Variants in MGAT5 observed in about 807,000 individuals in gnomAD.
MGAT5 encodes alpha-1,6-mannosylglycoprotein 6-beta-N-acetylglucosaminyltransferase A.
In MGAT5, 30 loss-of-function variants were observed where a neutral mutation model predicts 94.3. That is an observed-to-expected ratio of 0.32 (90% CI 0.24 to 0.43). The LOEUF is 0.43. Among genes scored for constraint, MGAT5 ranks in the 20% least tolerant of loss-of-function variants. MGAT5 has a pLI of 1.00. For missense variants in MGAT5, 691 were observed against 905.5 expected, an observed-to-expected ratio of 0.76 and a Z score of 3.04; for synonymous variants, 310 against 322.9, an observed-to-expected ratio of 0.96 and a Z score of 0.43.
At chr2:134,193,651 C>G (rs1969335) in intron 1 of MGAT5, among the ~76,000 whole-genome samples, 22,736 of 150,388 alleles carry the variant, frequency 0.15, 1,941 homozygotes, top group Admixed American at 0.21. Flanking sequence ...GGGCAATCTC[C>G]CCTCTCTTAC....
intron 2 of MGAT5, among the ~76,000 whole-genome samples, chr2:134,301,453 T>G (rs1175496109): frequency 6.6e-6 from 1 of 152,172 alleles, no homozygotes; most frequent in Admixed American, 6.5e-5. Context: ...CTTTCATTCT[T>G]AATATTACTC....
chr2:134,241,736 A>G (rs1681982006), intron 1 of MGAT5, among the ~76,000 whole-genome samples: 1 of 152,162 alleles, frequency 6.6e-6, no homozygotes, highest in East Asian at 1.9e-4. Context: ...AAATGACTGA[A>G]AAGTTCCTAA....
chr2:134,247,219 G>T (rs1682322393), intron 1 of MGAT5, among the ~76,000 whole-genome samples: 1 of 152,106 alleles, frequency 6.6e-6, no homozygotes, highest in Non-Finnish European at 1.5e-5. Context: ...AACATCTAAA[G>T]ACAGTTGTCA....
chr2:134,130,198 G>GCCCGCCCCGCCCCGC (rs1232003327), intron 1 of MGAT5, among the ~76,000 whole-genome samples: 1 of 82,874 alleles, frequency 1.2e-5, no homozygotes, highest in Non-Finnish European at 2.7e-5. Context: ...CCATGCTGGA[G>GCCCGCCCCGCCCCGC]CCCGCCCCGC....
At chr2:134,342,174 A>G (rs542752001) in intron 7 of MGAT5, among the ~76,000 whole-genome samples, 3 of 152,312 alleles carry the variant, frequency 2.0e-5, no homozygotes, top group East Asian at 1.9e-4. Flanking sequence ...TTTGGATAGA[A>G]TAAATTTCCT....
Position 134,254,437 on chromosome 2 carries a change from C to T in MGAT5, c.34C>T (p.Gln12Ter). The change falls in exon 1 of 16, where the codon CAG becomes TAG. Residue 12 changes from glutamine to a stop codon, truncating the protein, a stop_gained. Coordinates refer to ENST00000281923, the MANE Select transcript of MGAT5 (RefSeq NM_002410.5). LOFTEE classifies it high-confidence loss of function. ...CTTCACTCCGTGGAAGTTGTCCTCT[C>T]AGAAGCTGGGCTTTTTCCTGGTGAC... ...ALFTPWKLSS[Q>*]KLGFFLVTFG... 1 of 1,614,238 alleles carries T rather than the reference C, an allele frequency of 6.2e-7. No individual in the cohort carries two copies. Among genetic ancestry groups the T allele is most frequent in the Non-Finnish European group, 8.5e-7 (1 of 1,180,040 alleles).
intron 1 of MGAT5, among the ~76,000 whole-genome samples, chr2:134,225,005 G>A (rs1460497873): frequency 6.6e-6 from 1 of 151,166 alleles, no homozygotes; most frequent in Non-Finnish European, 1.5e-5. Context: ...CTTGAGCCTG[G>A]GAGGCGGAGG....
At chr2:134,309,202 A>G (rs1399396591) in intron 2 of MGAT5, among the ~76,000 whole-genome samples, 5 of 152,128 alleles carry the variant, frequency 3.3e-5, no homozygotes, top group African/African-American at 7.2e-5. Flanking sequence ...TGGATATACC[A>G]TATTTGGTCT....
chr2:134,252,741 A>G (rs1224277214), upstream of MGAT5, among the ~76,000 whole-genome samples: 1 of 152,176 alleles, frequency 6.6e-6, no homozygotes, highest in Non-Finnish European at 1.5e-5. Flanking sequence ...AGTATCTGTT[A>G]CATATTTTTT....
intron 10 of MGAT5, among the ~76,000 whole-genome samples, chr2:134,393,476 A>T (rs1398367019): frequency 5.3e-5 from 8 of 152,276 alleles, no homozygotes; most frequent in African/African-American, 1.9e-4. Flanking sequence ...TACCCTGCGT[A>T]TAATTATTAT....
chr2:134,360,426 C>T (rs987283050), intron 9 of MGAT5, among the ~76,000 whole-genome samples: 1 of 151,866 alleles, frequency 6.6e-6, no homozygotes, highest in East Asian at 1.9e-4. Context: ...GAAATAAAAC[C>T]CATTGTTTCA....
intron 1 of MGAT5, among the ~76,000 whole-genome samples, chr2:134,158,579 G>A (rs889338983): frequency 6.6e-6 from 1 of 152,188 alleles, no homozygotes; most frequent in African/African-American, 2.4e-5. Context: ...CCCCAAGAAT[G>A]CAGGGATGCC....
intron 1 of MGAT5, among the ~76,000 whole-genome samples, chr2:134,149,484 T>G (rs1001197877): frequency 2.0e-5 from 3 of 152,120 alleles, no homozygotes; most frequent in Admixed American, 6.5e-5. Flanking sequence ...ACCCATGTCT[T>G]GGGATTGCCA....
intron 11 of MGAT5, among the ~76,000 whole-genome samples, chr2:134,409,834 A>G (rs1683544969): frequency 6.6e-6 from 1 of 152,214 alleles, no homozygotes; most frequent in Non-Finnish European, 1.5e-5. Context: ...GGAACGTCCC[A>G]ATCCTATACT....
intron 1 of MGAT5, among the ~76,000 whole-genome samples, chr2:134,239,197 A>T (rs1233198590): frequency 6.6e-6 from 1 of 151,978 alleles, no homozygotes; most frequent in African/African-American, 2.4e-5. Flanking sequence ...GCAGGGGTTC[A>T]CCGTGTTAGC....
Position 134,262,356 on chromosome 2 carries a change from G to A in MGAT5, c.241+7712G>A, listed in dbSNP as rs1277128898. ...AGACTCAAGCCTTATGCCCACCTCA[G>A]CCTCCAGAGTAGCTGGGACTATAGG... On this transcript the variant is annotated intron_variant, in intron 1 of 15. Coordinates refer to ENST00000281923, the MANE Select transcript of MGAT5 (RefSeq NM_002410.5). Among the ~76,000 whole-genome samples the A allele has an allele frequency of 2.6e-5, 4 of 152,206 alleles. No homozygotes were observed. The East Asian group carries it at 7.7e-4, about 29-fold the overall frequency.
At chr2:134,323,317 G>A (rs1179592062) in intron 4 of MGAT5, among the ~76,000 whole-genome samples, 1 of 152,112 alleles carries the variant, frequency 6.6e-6, no homozygotes, top group Non-Finnish European at 1.5e-5. Context: ...GCAGACAAGA[G>A]AAGAATGAAA....
At chr2:134,159,831 A>G (rs1252888282) in intron 1 of MGAT5, among the ~76,000 whole-genome samples, 1 of 152,202 alleles carries the variant, frequency 6.6e-6, no homozygotes, top group Non-Finnish European at 1.5e-5. Context: ...AAGGACTCCT[A>G]GAAGTTAAGC....
intron 1 of MGAT5, among the ~76,000 whole-genome samples, chr2:134,242,214 CTG>C (rs2105449415): frequency 6.6e-6 from 1 of 152,292 alleles, no homozygotes; most frequent in East Asian, 1.9e-4. Context: ...AGGCGCTTTG[CTG>C]TGTGGAATTA....
Sources: allele counts gnomAD v4.1 joint callset (sites outside exome capture counted in the v4.1 genomes callset), GRCh38; gene constraint gnomAD v4.1.1; transcripts MANE v1.5; gene names NCBI Gene and HGNC (gene_info 2026-07-23, HGNC 2026-07-21).